The following MAPK10 variants were observed in gnomAD, a reference collection of about 807,000 sequenced individuals.
MAPK10 encodes JNK3 alpha protein kinase.
MAPK10 carries 25 observed loss-of-function variants against 59.3 expected under a neutral mutation model. The observed-to-expected ratio is 0.42, with a 90% confidence interval of 0.31 to 0.59. The LOEUF (loss-of-function observed/expected upper bound fraction) is 0.59, where lower values mean the gene tolerates loss of function less well. Ranked by LOEUF, MAPK10 falls within the 20% of genes least tolerant of loss-of-function variation. The pLI is 0.15. For missense variants in MAPK10, 351 were observed against 568.9 expected (o/e 0.62, Z 3.90); for synonymous variants, 190 against 200.5 (o/e 0.95, Z 0.44).
intron 9 of MAPK10, among the ~76,000 whole-genome samples, chr4:86,097,266 A>C (rs1353318017): frequency 6.6e-6 from 1 of 151,968 alleles, no homozygotes; most frequent in Non-Finnish European, 1.5e-5. Context: ...CAGTTCTAGA[A>C]TATGTCATCA....
chr4:86,068,793 T>C (rs140959165), intron 9 of MAPK10, among the ~76,000 whole-genome samples: 26 of 152,260 alleles, frequency 1.7e-4, no homozygotes, highest in African/African-American at 5.3e-4. Context: ...TACTCAATGA[T>C]TGAGATTCTC....
chr4:86,204,656 T>A (rs2083413995), intron 2 of MAPK10, among the ~76,000 whole-genome samples: 1 of 152,036 alleles, frequency 6.6e-6, no homozygotes, highest in Non-Finnish European at 1.5e-5. Flanking sequence ...CCAGCCATGT[T>A]TAAGGACTTC....
intron 2 of MAPK10, among the ~76,000 whole-genome samples, chr4:86,234,171 T>G (rs1246847522): frequency 2.0e-5 from 3 of 152,094 alleles, no homozygotes; most frequent in Non-Finnish European, 4.4e-5. Context: ...TTTCCTTACA[T>G]GCAAGACACA....
At chr4:86,125,736 G>C (rs569570758) in intron 4 of MAPK10, 9 of 152,230 alleles carry the variant, frequency 5.9e-5, no homozygotes, top group Non-Finnish European at 1.3e-4. Flanking sequence ...ACTTGGATGA[G>C]CATCAGTGTC....
chr4:86,256,756 T>C (rs2093741320), intron 2 of MAPK10, among the ~76,000 whole-genome samples: 1 of 136,942 alleles, frequency 7.3e-6, no homozygotes, highest in Admixed American at 7.4e-5. Flanking sequence ...TTTTTTTTTT[T>C]TTGAGACAGA....
intron 2 of MAPK10, among the ~76,000 whole-genome samples, chr4:86,279,362 A>T (rs1375965879): frequency 6.6e-6 from 1 of 152,144 alleles, no homozygotes; most frequent in Non-Finnish European, 1.5e-5. Context: ...AGAAGTACGC[A>T]CATCCTGTAG....
At chr4:86,568,934 C>A (rs112677130) in intron 1 of MAPK10, among the ~76,000 whole-genome samples, 7,116 of 151,868 alleles carry the variant, frequency 0.047, 216 homozygotes, top group African/African-American at 0.059. Context: ...ACAACAACAA[C>A]AAAATAGACA....
At chr4:86,534,487 A>G (rs1180160690) in intron 1 of MAPK10, among the ~76,000 whole-genome samples, 1 of 152,164 alleles carries the variant, frequency 6.6e-6, no homozygotes, top group Admixed American at 6.5e-5. Context: ...GTGATGTACC[A>G]ATGTTGCCTT....
chr4:86,588,065 A>T (rs1317376918), intron 1 of MAPK10, among the ~76,000 whole-genome samples: 1 of 152,212 alleles, frequency 6.6e-6, no homozygotes. Flanking sequence ...TTCCCTAGAA[A>T]AAAGCACAAT....
chr4:86,497,738 C>T (rs535741292), intron 1 of MAPK10, among the ~76,000 whole-genome samples: 4 of 152,228 alleles, frequency 2.6e-5, no homozygotes, highest in East Asian at 1.9e-4. Context: ...TGGCCAATTT[C>T]GAGTGTACCA....
intron 2 of MAPK10, among the ~76,000 whole-genome samples, chr4:86,221,166 A>C (rs546847622): frequency 6.6e-6 from 1 of 152,154 alleles, no homozygotes; most frequent in East Asian, 1.9e-4. Context: ...CTAGAAAGAC[A>C]AAATGGAGAA....
chr4:86,352,005 C>T (rs1731799924), intron 2 of MAPK10, among the ~76,000 whole-genome samples: 1 of 152,068 alleles, frequency 6.6e-6, no homozygotes, highest in Non-Finnish European at 1.5e-5. Flanking sequence ...TTTATGAGTA[C>T]AATTATGTAT....
intron 1 of MAPK10, among the ~76,000 whole-genome samples, chr4:86,467,785 G>T (rs533925140): frequency 1.3e-5 from 2 of 152,244 alleles, no homozygotes; most frequent in South Asian, 2.1e-4. Flanking sequence ...CCCAAAGTGC[G>T]GGAATGGCAG....
intron 3 of MAPK10, among the ~76,000 whole-genome samples, chr4:86,178,598 C>T (rs1247754358): frequency 1.3e-5 from 2 of 151,794 alleles, no homozygotes; most frequent in African/African-American, 4.8e-5. Context: ...ATAGGGAAAA[C>T]CTTAAAGCTT....
intron 1 of MAPK10, among the ~76,000 whole-genome samples, chr4:86,446,044 G>A (rs1349867235): frequency 6.6e-6 from 1 of 152,126 alleles, no homozygotes; most frequent in East Asian, 1.9e-4. Flanking sequence ...TAGAAATAAT[G>A]TATTTGATGA....
chr4:86,580,779 T>G (rs1340452706), intron 1 of MAPK10, among the ~76,000 whole-genome samples: 1 of 152,208 alleles, frequency 6.6e-6, no homozygotes, highest in Non-Finnish European at 1.5e-5. Context: ...GGATAACTCA[T>G]GTGGACACAC....
chr4:86,037,561 T>C (rs931128587), intron 11 of MAPK10, among the ~76,000 whole-genome samples: 2 of 152,180 alleles, frequency 1.3e-5, no homozygotes, highest in Admixed American at 1.3e-4. Flanking sequence ...TTCATTCATT[T>C]TATCCCATAT....
chr4:86,388,956 T>C (rs1462119546), intron 1 of MAPK10, among the ~76,000 whole-genome samples: 2 of 152,200 alleles, frequency 1.3e-5, no homozygotes, highest in Non-Finnish European at 2.9e-5. Context: ...TATGTAATGT[T>C]TTTAATGCAA....
At chr4:86,473,058 C>G (rs918013750) in intron 1 of MAPK10, among the ~76,000 whole-genome samples, 1 of 152,216 alleles carries the variant, frequency 6.6e-6, no homozygotes, top group Non-Finnish European at 1.5e-5. Context: ...AACCTGGACA[C>G]TCTCCACTGT....
Sources: gnomAD v4.1 joint callset for allele counts (sites outside exome capture counted in the v4.1 genomes callset) on GRCh38, gnomAD v4.1.1 for gene constraint, MANE v1.5 for transcripts, NCBI Gene and HGNC (gene_info 2026-07-23, HGNC 2026-07-21) for gene names.